Variants in AGAP1 observed in about 807,000 individuals in gnomAD.
AGAP1 encodes arf-GAP with GTPase, ANK repeat and PH domain-containing protein 1.
A neutral mutation model predicts 105.3 loss-of-function variants in AGAP1; 29 were observed. The observed-to-expected ratio is 0.28, with a 90% CI of 0.21 to 0.38. The LOEUF is 0.38. AGAP1 is among the 10% of genes least tolerant of loss of function. The probability of loss-of-function intolerance (pLI) is 1.00; values close to 1 mark genes in which losing one functional copy is unlikely to be tolerated. For synonymous variants in AGAP1, 509 were observed against 485.9 expected (o/e 1.05, Z -0.63); for missense variants, 998 against 1,165.1 (o/e 0.86, Z 2.09).
chr2:236,032,327 A>G (rs1002162535), intron 13 of AGAP1, among the ~76,000 whole-genome samples: 2 of 152,196 alleles, frequency 1.3e-5, no homozygotes, highest in African/African-American at 4.8e-5. Context: ...GTGAATCCAT[A>G]TAACTCTATT....
chr2:235,896,021 C>T (rs985872397), intron 10 of AGAP1, among the ~76,000 whole-genome samples: 1 of 152,150 alleles, frequency 6.6e-6, no homozygotes, highest in African/African-American at 2.4e-5. Flanking sequence ...TCAGTAGTAT[C>T]ATATACGTTC....
chr2:235,990,139 C>G (rs909082998), intron 13 of AGAP1, among the ~76,000 whole-genome samples: 3 of 152,216 alleles, frequency 2.0e-5, no homozygotes, highest in Non-Finnish European at 4.4e-5. Flanking sequence ...GTTTTTCCTA[C>G]CCTGTCTTAT....
At chr2:235,632,695 C>A (rs1279101491) in intron 1 of AGAP1, among the ~76,000 whole-genome samples, 1 of 152,210 alleles carries the variant, frequency 6.6e-6, no homozygotes, top group Non-Finnish European at 1.5e-5. Flanking sequence ...ACGGTTCTGT[C>A]ACCTCTCCTG....
chr2:235,759,032 G>T (rs1559446359), intron 6 of AGAP1, among the ~76,000 whole-genome samples: 1 of 152,016 alleles, frequency 6.6e-6, no homozygotes, highest in Non-Finnish European at 1.5e-5. Flanking sequence ...AGCTCAAAGC[G>T]ATCCGACCGC....
rs562739753 is a variant in AGAP1 at position 235,977,107 on chromosome 2, G to C, written c.1645+8484G>C. 9.5e-4 allele frequency among the ~76,000 whole-genome samples: 144 copies of C among 152,288 alleles called. No homozygotes were observed. The highest frequency in any genetic ancestry group is 3.2e-3 in the African/African-American group (132 of 41,580). ...CTCTTCTGCGAGTGGGGCTCGGTTA[G>C]CACAAGCTGCTCACAGGCTCCGGCG... On this transcript the variant is annotated intron_variant, in intron 13 of 17. Transcript: ENST00000304032. The surrounding 1 kb of genome is among the most constrained non-coding windows in gnomAD (Gnocchi z 5.2).
intron 1 of AGAP1, among the ~76,000 whole-genome samples, chr2:235,523,955 C>T (rs547696992): frequency 6.2e-4 from 89 of 143,676 alleles, no homozygotes; most frequent in African/African-American, 2.3e-3. Context: ...CGGATGAGGC[C>T]GGGGGCGGTG....
chr2:236,097,378 A>ATTTT (rs2059217350), intron 16 of AGAP1, among the ~76,000 whole-genome samples: 20 of 85,526 alleles, frequency 2.3e-4, no homozygotes, highest in South Asian at 7.9e-4. Flanking sequence ...TGTCATCCTA[A>ATTTT]TCTTTTTTTT....
Position 235,714,479 on chromosome 2 carries a change from C to T in AGAP1, c.223-3078C>T, listed in dbSNP as rs1950998040. Among the ~76,000 whole-genome samples the T allele has an allele frequency of 6.6e-6, 1 of 151,828 alleles. No individual in the cohort carries two copies. Among genetic ancestry groups the T allele is most frequent in the Admixed American group, 6.6e-5 (1 of 15,242 alleles). The stretch of plus-strand genomic sequence containing the variant: ...TGATTGATATGGAAAGCTTTAGTTG[C>T]CTGGAGACAGCAAGGCCTGTTAGGA... On this transcript the variant is annotated intron_variant, in intron 2 of 17. Coordinates refer to ENST00000304032, the MANE Select transcript of AGAP1 (RefSeq NM_001037131.3). This position sits in a 1 kb window ranked among gnomAD's most constrained non-coding sequence, Gnocchi z 4.1.
At chr2:235,825,049 A>G (rs1397913108) in intron 9 of AGAP1, among the ~76,000 whole-genome samples, 1 of 152,226 alleles carries the variant, frequency 6.6e-6, no homozygotes, top group Non-Finnish European at 1.5e-5. Flanking sequence ...GACCATTTGT[A>G]GAAAAGTGCA....
At chr2:235,831,465 G>T (rs564904363) in intron 9 of AGAP1, among the ~76,000 whole-genome samples, 1 of 152,282 alleles carries the variant, frequency 6.6e-6, no homozygotes, top group Non-Finnish European at 1.5e-5. Context: ...AAATCCTGTG[G>T]TCCACCTCTT....
At chr2:235,813,163 ACAC>A (rs1165684804) in intron 9 of AGAP1, among the ~76,000 whole-genome samples, 2 of 152,222 alleles carry the variant, frequency 1.3e-5, no homozygotes, top group Admixed American at 1.3e-4. Context: ...TATATCGGGC[ACAC>A]CCTCCCCTAC....
intron 1 of AGAP1, among the ~76,000 whole-genome samples, chr2:235,685,084 G>T (rs567587465): frequency 6.6e-6 from 1 of 152,232 alleles, no homozygotes; most frequent in South Asian, 2.1e-4. Context: ...TGGGTGGGCC[G>T]AGGTTGAGTG....
intron 1 of AGAP1, among the ~76,000 whole-genome samples, chr2:235,656,649 C>T (rs541064662): frequency 2.0e-5 from 3 of 152,138 alleles, no homozygotes; most frequent in Non-Finnish European, 4.4e-5. Context: ...AACAGGGGAA[C>T]GACACAGCAG....
At chr2:235,861,542 C>A (rs548156102) in intron 9 of AGAP1, among the ~76,000 whole-genome samples, 1 of 152,322 alleles carries the variant, frequency 6.6e-6, no homozygotes, top group African/African-American at 2.4e-5. Context: ...GAAACACATC[C>A]AAGCTGTCCC....
intron 1 of AGAP1, among the ~76,000 whole-genome samples, chr2:235,567,446 C>T (rs894601307): frequency 6.6e-6 from 1 of 152,186 alleles, no homozygotes; most frequent in Non-Finnish European, 1.5e-5. Context: ...TCTGCAAGCC[C>T]CAGTCACTGT....
In AGAP1 at chr2:235,816,437, C is replaced by CA. The variant is rs79795818; in HGVS notation, c.1050+9126dup. ...TGGGTGGCAGAGCGAGACTCCGTCT[C>CA]AAAAAAAAAAAAAAAAAAAAGGAAA... On this transcript the variant is annotated intron_variant, in intron 9 of 17. Coordinates refer to ENST00000304032, the MANE Select transcript of AGAP1 (RefSeq NM_001037131.3). 8.3e-3 allele frequency among the ~76,000 whole-genome samples: 810 copies of CA among 97,536 alleles called. 8 individuals carry two copies. The highest frequency in any genetic ancestry group is 0.015 in the African/African-American group (390 of 26,000). The allele number at this position is 97,536 out of a possible 152,430, so 64.0% of individuals were successfully genotyped here.
chr2:235,563,632 C>G (rs1944242532), intron 1 of AGAP1, among the ~76,000 whole-genome samples: 1 of 152,024 alleles, frequency 6.6e-6, no homozygotes. Context: ...AGTGATCATC[C>G]TGTTCTTGGA....
intron 1 of AGAP1, among the ~76,000 whole-genome samples, chr2:235,677,091 A>G (rs1041754049): frequency 1.3e-5 from 2 of 152,204 alleles, no homozygotes; most frequent in African/African-American, 2.4e-5. Context: ...CATCGTTGAT[A>G]CTTGCATTCA....
rs765617858 is a variant in AGAP1, at chr2:235,716,702, TG to T, written c.223-849del. ...GAGCAGCTTCCCAGAGAAGGCGGCA[TG>T]GGGGGTATCCAGCTCCCAAGCACAG... is the stretch of plus-strand genomic sequence containing the variant. On this transcript the variant is annotated intron_variant, in intron 2 of 17. Coordinates refer to ENST00000304032, the MANE Select transcript of AGAP1 (RefSeq NM_001037131.3). This position sits in a 1 kb window ranked among gnomAD's most constrained non-coding sequence, Gnocchi z 4.0. Among the ~76,000 whole-genome samples, 11 of 151,936 alleles carry T rather than the reference TG, an allele frequency of 7.2e-5. No individual in the cohort carries two copies. The highest frequency in any genetic ancestry group is 2.0e-4 in the Admixed American group (3 of 15,262).
Sources: gnomAD v4.1 joint callset for allele counts (sites outside exome capture counted in the v4.1 genomes callset) on GRCh38, gnomAD v4.1.1 for gene constraint, Gnocchi (gnomAD v3.1) non-coding constraint, MANE v1.5 for transcripts, NCBI Gene and HGNC (gene_info 2026-07-23, HGNC 2026-07-21) for gene names.